The following PSORS1C1 variants were observed in gnomAD, a reference collection of about 807,000 sequenced individuals.
The protein encoded by PSORS1C1 is psoriasis susceptibility 1 candidate gene 1 protein.
A neutral mutation model predicts 9.4 loss-of-function variants in PSORS1C1; 7 were observed. The observed-to-expected ratio is 0.75, with a 90% CI of 0.42 to 1.40. The LOEUF is 1.40. Ranked by LOEUF, PSORS1C1 falls within the 40% of genes most tolerant of loss-of-function variation. The pLI is 0.01. For missense variants in PSORS1C1, 146 were observed against 178.1 expected (o/e 0.82, Z 1.02); for synonymous variants, 63 against 69.4 (o/e 0.91, Z 0.46).
chr6:31,136,651 C>T (rs928447704), intron 3 of PSORS1C1, among the ~76,000 whole-genome samples: 2 of 152,180 alleles, frequency 1.3e-5, no homozygotes, highest in African/African-American at 2.4e-5. Flanking sequence ...AGAGATGAAA[C>T]TTGCCTTCCC....
chr6:31,116,747 C>G (rs1451413695), intron 1 of PSORS1C1: 1 of 1,613,068 alleles, frequency 6.2e-7, no homozygotes, highest in Admixed American at 1.7e-5. Flanking sequence ...TAGGATTTGT[C>G]TACAGAGGTG....
rs114245712 is a variant in PSORS1C1, at chr6:31,115,219, C to T, written c.-229+328C>T. 3.3e-3 allele frequency: 925 copies of T among 276,356 alleles called. 10 individuals are homozygous for T. Among genetic ancestry groups the T allele is most frequent in the African/African-American group, 0.019 (865 of 44,910 alleles). The allele number at this position is 276,356 out of a possible 1,614,324, so 17.1% of individuals were successfully genotyped here. A position where few individuals can be genotyped will look rare whatever the true frequency, so the allele number is the denominator to read the frequency against. On this transcript the variant is annotated intron_variant, in intron 1 of 5. Coordinates refer to ENST00000259881, the MANE Select transcript of PSORS1C1 (RefSeq NM_014068.3). The surrounding 1 kb of genome is among the most constrained non-coding windows in gnomAD (Gnocchi z 4.2). ...CTCTAGAGGCGTAGGAAGAGCACCA[C>T]CCAGACTCTCAGAGGAGACCCAGGA...
chr6:31,134,021 C>T (rs1288409883), intron 3 of PSORS1C1, among the ~76,000 whole-genome samples: 3 of 152,164 alleles, frequency 2.0e-5, no homozygotes, highest in African/African-American at 7.2e-5. Context: ...CTCTGTCGCC[C>T]AGGCTGCAGT....
At chr6:31,122,971 A>G (rs1047654840) in intron 1 of PSORS1C1, among the ~76,000 whole-genome samples, 17 of 152,168 alleles carry the variant, frequency 1.1e-4, no homozygotes, top group African/African-American at 2.2e-4. Context: ...GGGAGAAGGC[A>G]GCGGAACAGT....
intron 3 of PSORS1C1, among the ~76,000 whole-genome samples, chr6:31,130,261 A>ATTT (rs9281217): frequency 7.0e-6 from 1 of 142,792 alleles, no homozygotes; most frequent in Admixed American, 7.0e-5. Context: ...CCTAGGCACA[A>ATTT]TTTTTTTTTT....
rs764883271 is a variant in PSORS1C1, at chr6:31,116,823, G to A, written c.-229+1932G>A. On this transcript the variant is annotated intron_variant, in intron 1 of 5. Coordinates refer to ENST00000259881, the MANE Select transcript of PSORS1C1 (RefSeq NM_014068.3). ...AGGGGGGACCTTGAACCACTCCAGG[G>A]GCACCAGAACCGTGCTGGTCCACCA... is the stretch of plus-strand genomic sequence containing the variant. 36 of 1,613,880 alleles carry A rather than the reference G, an allele frequency of 2.2e-5. No homozygotes were observed. Among genetic ancestry groups the A allele is most frequent in the Non-Finnish European group, 2.8e-5 (33 of 1,179,986 alleles).
chr6:31,138,486 G>A, intron 4 of PSORS1C1, 27 bp downstream of exon 4: 1 of 1,612,258 alleles, frequency 6.2e-7, no homozygotes, highest in South Asian at 1.1e-5. Context: ...TTAACTGATG[G>A]TAAAATGTCA....
At position 31,120,728 on chromosome 6, in the gene PSORS1C1, G is replaced by A. The variant is rs544236343; in HGVS notation, c.-228-4948G>A. 3.2e-4 allele frequency among the ~76,000 whole-genome samples: 49 copies of A among 152,208 alleles called. No individual in the cohort carries two copies. In the East Asian group the frequency reaches 8.5e-3, roughly 26 times the overall value. ...CCCGGAACCAGGCGCTCTGCCCCACGGCCACCCACTCTGGGGCGGCCACTC... is the reference window on the plus strand; with the variant it reads ...CCCGGAACCAGGCGCTCTGCCCCACAGCCACCCACTCTGGGGCGGCCACTC... On this transcript the variant is annotated intron_variant, in intron 1 of 5. Coordinates refer to ENST00000259881, the MANE Select transcript of PSORS1C1 (RefSeq NM_014068.3).
rs1773332598 is a variant in PSORS1C1, at chr6:31,139,401, G to A, written c.168-240G>A. The A allele has an allele frequency of 5.0e-6, 3 of 594,738 alleles. No individual in the cohort carries two copies. The highest frequency in any genetic ancestry group is 3.0e-5 in the Admixed American group (1 of 33,792). 36.8% of individuals were successfully genotyped at this position (594,738 alleles called of 1,614,324 possible). ...AACTATTGGAAGCCAAAGAATGGGA[G>A]CAAACCACGCGATGGGCGTTGGGAA... On this transcript the variant is annotated intron_variant, in intron 5 of 5. Transcript: ENST00000259881. This position sits in a 1 kb window ranked among gnomAD's most constrained non-coding sequence, Gnocchi z 5.2.
At position 31,139,563 on chromosome 6, in the gene PSORS1C1, G is replaced by T; in HGVS notation, c.168-78G>T. ...CACCCCCGCACTGAAAGCTCCCCCTGGGGCTTCGTGCTTTCCTGGGCACTT... is the reference window on the plus strand; with the variant it reads ...CACCCCCGCACTGAAAGCTCCCCCTTGGGCTTCGTGCTTTCCTGGGCACTT... On this transcript the variant is annotated intron_variant, in intron 5 of 5. Coordinates refer to ENST00000259881, the MANE Select transcript of PSORS1C1 (RefSeq NM_014068.3). The surrounding 1 kb of genome is among the most constrained non-coding windows in gnomAD (Gnocchi z 5.2). 6.9e-7 allele frequency: 1 copy of T among 1,459,652 alleles called. No homozygotes were observed. The allele number at this position is 1,459,652 out of a possible 1,614,324, so 90.4% of individuals were successfully genotyped here. A position where few individuals can be genotyped will look rare whatever the true frequency, so the allele number is the denominator to read the frequency against.
Position 31,115,869 on chromosome 6 carries a change from C to A in PSORS1C1, c.-229+978C>A. ...GGAGGAAGGGGTGATAAGAGAGAGT[C>A]TGCAACCTTGGGGTAGTGGAGAAAG... On this transcript the variant is annotated intron_variant, in intron 1 of 5. Coordinates refer to ENST00000259881, the MANE Select transcript of PSORS1C1 (RefSeq NM_014068.3). The surrounding 1 kb of genome is among the most constrained non-coding windows in gnomAD (Gnocchi z 4.2). 1.5e-6 allele frequency: 1 copy of A among 647,644 alleles called. No individual in the cohort carries two copies. Among genetic ancestry groups the A allele is most frequent in the Non-Finnish European group, 2.8e-6 (1 of 362,332 alleles). The allele number at this position is 647,644 out of a possible 1,614,324, so 40.1% of individuals were successfully genotyped here. A position where few individuals can be genotyped will look rare whatever the true frequency, so the allele number is the denominator to read the frequency against.
chr6:31,139,078 A>C lies in PSORS1C1; in HGVS notation c.167+299A>C. 2 of 1,529,698 alleles carry C rather than the reference A, an allele frequency of 1.3e-6. No individual in the cohort carries two copies. Among genetic ancestry groups the C allele is most frequent in the Non-Finnish European group, 1.8e-6 (2 of 1,103,784 alleles). The allele number at this position is 1,529,698 out of a possible 1,614,324, so 94.8% of individuals were successfully genotyped here. The stretch of plus-strand genomic sequence containing the variant: ...GGTGGGCTGAGTCTGGGTGCCTGGG[A>C]ACCCCAAGAGGCTTTATAGGGGAGG... On this transcript the variant is annotated intron_variant, in intron 5 of 5. Transcript: ENST00000259881. This position sits in a 1 kb window ranked among gnomAD's most constrained non-coding sequence, Gnocchi z 5.2.
chr6:31,138,394 T>C (rs1773268292), intron 3 of PSORS1C1, 36 bp from the exon 4 acceptor site: 1 of 1,599,482 alleles, frequency 6.3e-7, no homozygotes, highest in African/African-American at 1.3e-5. Flanking sequence ...GAGGAGCCTG[T>C]CTGGATGGAC....
chr6:31,122,647 T>G lies in PSORS1C1; in HGVS notation c.-228-3029T>G, dbSNP rs531097275. 3.3e-5 allele frequency among the ~76,000 whole-genome samples: 5 copies of G among 152,152 alleles called. No homozygotes were observed. In the East Asian group the frequency reaches 7.7e-4, roughly 24 times the overall value. On this transcript the variant is annotated intron_variant, in intron 1 of 5. Transcript: ENST00000259881. ...AAAAAAAATTAGCCAGGCGTGGTGG[T>G]GGGCGCCTGTAATCCCTGCTACTCG... is the stretch of plus-strand genomic sequence containing the variant.
intron 1 of PSORS1C1, chr6:31,116,222 A>G (rs1772105776): frequency 6.2e-7 from 1 of 1,613,858 alleles, no homozygotes; most frequent in Non-Finnish European, 8.5e-7. Context: ...GTCAGTGTCA[A>G]GGAGGAGACA....
chr6:31,138,879 C>G (rs1023097696), intron 5 of PSORS1C1, 100 bp downstream of exon 5: 1 of 1,601,536 alleles, frequency 6.2e-7, no homozygotes, highest in Admixed American at 1.7e-5. Context: ...CCCTGAATTC[C>G]TGTCCCCAAC....
chr6:31,136,492 T>C (rs1773143614), intron 3 of PSORS1C1, among the ~76,000 whole-genome samples: 1 of 152,100 alleles, frequency 6.6e-6, no homozygotes, highest in Non-Finnish European at 1.5e-5. Context: ...AAGGGCACTC[T>C]GGTCAGGCCC....
rs536731330 is a variant in PSORS1C1 at position 31,116,382 on chromosome 6, G to A, written c.-229+1491G>A. 89 of 1,606,360 alleles carry A rather than the reference G, an allele frequency of 5.5e-5. 3 individuals carry two copies. The highest frequency in any genetic ancestry group is 4.0e-4 in the East Asian group (18 of 44,532). ...GGGAAGCACTGCCGCAGGGATGGTA[G>A]GGTAAACCGGAGCTGCTGGAAATGC... On this transcript the variant is annotated intron_variant, in intron 1 of 5. Coordinates refer to ENST00000259881, the MANE Select transcript of PSORS1C1 (RefSeq NM_014068.3).
At chr6:31,138,810 T>G in intron 5 of PSORS1C1, 31 bp downstream of exon 5, 1 of 1,613,638 alleles carries the variant, frequency 6.2e-7, no homozygotes, top group South Asian at 1.1e-5. Flanking sequence ...CTGCACCATG[T>G]CCCCCACCCA....
Sources: allele counts gnomAD v4.1 joint callset (sites outside exome capture counted in the v4.1 genomes callset), GRCh38; gene constraint gnomAD v4.1.1; non-coding constraint Gnocchi (gnomAD v3.1); transcripts MANE v1.5; gene names NCBI Gene and HGNC (gene_info 2026-07-23, HGNC 2026-07-21).